The following SCHIP1 variants were observed in gnomAD, a reference collection of about 807,000 sequenced individuals.
The protein encoded by SCHIP1 is schwannomin-interacting protein 1.
SCHIP1 carries 8 observed loss-of-function variants against 29.7 expected under a neutral mutation model. The ratio of observed to expected loss-of-function variants is 0.27; its 90% CI spans 0.16 to 0.49. The LOEUF is 0.49. Among genes scored for constraint, SCHIP1 ranks in the 20% least tolerant of loss-of-function variants. SCHIP1 has a pLI of 0.99. For missense variants in SCHIP1, 193 were observed against 294.6 expected (o/e 0.66, Z 2.52); for synonymous variants, 76 against 94.9 (o/e 0.80, Z 1.16).
At chr3:159,701,413 T>A in the SCHIP1 span, among the ~76,000 whole-genome samples, 1 of 152,130 alleles carries the variant, frequency 6.6e-6, no homozygotes, top group African/African-American at 2.4e-5. Context: ...AACCATGAGT[T>A]TTTAGGTGTG....
the SCHIP1 span, among the ~76,000 whole-genome samples, chr3:159,420,839 T>A: frequency 1.3e-5 from 2 of 152,192 alleles, no homozygotes; most frequent in Admixed American, 6.5e-5. Context: ...CAGTGGGCAA[T>A]TGGTAACACC....
the SCHIP1 span, among the ~76,000 whole-genome samples, chr3:159,521,157 G>A: frequency 6.6e-6 from 1 of 152,146 alleles, no homozygotes; most frequent in South Asian, 2.1e-4. Context: ...CCATAATGCT[G>A]AGCTGAATCT....
the SCHIP1 span, among the ~76,000 whole-genome samples, chr3:159,426,508 C>A: frequency 6.6e-6 from 1 of 152,150 alleles, no homozygotes; most frequent in Non-Finnish European, 1.5e-5. Context: ...TCTGAATAGA[C>A]CAATAAGAGG....
the SCHIP1 span, among the ~76,000 whole-genome samples, chr3:159,461,652 T>C: frequency 6.6e-6 from 1 of 151,362 alleles, no homozygotes; most frequent in East Asian, 2.0e-4. Flanking sequence ...CTTGGCTCAC[T>C]GCAACCTCCG....
chr3:159,842,627 T>C (rs1374577166), intron 1 of SCHIP1, among the ~76,000 whole-genome samples: 1 of 152,118 alleles, frequency 6.6e-6, no homozygotes, highest in Non-Finnish European at 1.5e-5. Context: ...CCTACATTCC[T>C]GATTTCCTCC....
At chr3:159,839,970 G>A in exon 1 of SCHIP1, 1 of 1,423,632 alleles carries the variant, frequency 7.0e-7, no homozygotes, top group Non-Finnish European at 9.1e-7. Flanking sequence ...GGTTTCGGAG[G>A]GCTGGAGAGC....
the SCHIP1 span, among the ~76,000 whole-genome samples, chr3:159,510,753 G>C: frequency 6.6e-6 from 1 of 152,150 alleles, no homozygotes; most frequent in African/African-American, 2.4e-5. Flanking sequence ...TGTTTGCCTG[G>C]GTATCAGCAG....
At chr3:159,506,801 G>A in the SCHIP1 span, among the ~76,000 whole-genome samples, 13 of 152,146 alleles carry the variant, frequency 8.5e-5, no homozygotes, top group Admixed American at 7.9e-4. Context: ...ATTTCTGAGG[G>A]TTCTGTTCTG....
the SCHIP1 span, among the ~76,000 whole-genome samples, chr3:159,548,835 T>A: frequency 3.3e-4 from 51 of 152,306 alleles, no homozygotes; most frequent in African/African-American, 1.2e-3. Flanking sequence ...ATGGCTGCTT[T>A]GAAATTAGAT....
chr3:159,544,765 G>A, the SCHIP1 span, among the ~76,000 whole-genome samples: 2 of 152,022 alleles, frequency 1.3e-5, no homozygotes, highest in South Asian at 2.1e-4. Context: ...TTAGCTATAT[G>A]TATTGCAGAT....
the SCHIP1 span, among the ~76,000 whole-genome samples, chr3:159,688,898 A>G: frequency 4.6e-5 from 7 of 152,192 alleles, no homozygotes; most frequent in African/African-American, 1.7e-4. Flanking sequence ...GTCAAAGATC[A>G]GATAGTTGTA....
At chr3:159,715,254 A>C in the SCHIP1 span, among the ~76,000 whole-genome samples, 11 of 152,244 alleles carry the variant, frequency 7.2e-5, no homozygotes, top group Non-Finnish European at 1.2e-4. Context: ...CATCACCATC[A>C]TCAAAGACCA....
the SCHIP1 span, among the ~76,000 whole-genome samples, chr3:159,307,077 A>C: frequency 1.3e-5 from 2 of 152,344 alleles, no homozygotes; most frequent in Admixed American, 1.3e-4. Flanking sequence ...TGAGATATAC[A>C]TAAATATCCA....
the SCHIP1 span, among the ~76,000 whole-genome samples, chr3:159,675,856 G>A: frequency 2.0e-5 from 3 of 152,206 alleles, no homozygotes; most frequent in Non-Finnish European, 4.4e-5. Context: ...ATGAGGCCAG[G>A]CGTGGTGGCT....
chr3:159,419,303 T>A, the SCHIP1 span, among the ~76,000 whole-genome samples: 2 of 152,166 alleles, frequency 1.3e-5, no homozygotes, highest in African/African-American at 4.8e-5. Context: ...GTGCTGTGTG[T>A]GAAGCACCTA....
the SCHIP1 span, among the ~76,000 whole-genome samples, chr3:159,825,913 G>A: frequency 6.6e-6 from 1 of 152,196 alleles, no homozygotes; most frequent in East Asian, 1.9e-4. Context: ...GCTTGTGTGA[G>A]GGCCCTGAGA....
chr3:159,322,330 A>T, the SCHIP1 span, among the ~76,000 whole-genome samples: 51 of 152,302 alleles, frequency 3.3e-4, no homozygotes, highest in African/African-American at 1.2e-3. Flanking sequence ...CATAAAATCA[A>T]AATTATCAGG....
the SCHIP1 span, among the ~76,000 whole-genome samples, chr3:159,373,209 T>G: frequency 6.6e-6 from 1 of 151,684 alleles, no homozygotes; most frequent in Non-Finnish European, 1.5e-5. Flanking sequence ...CATACTTTTA[T>G]TATAAATTGA....
chr3:159,487,347 C>T, the SCHIP1 span, among the ~76,000 whole-genome samples: 2 of 152,090 alleles, frequency 1.3e-5, no homozygotes, highest in African/African-American at 4.8e-5. Context: ...ACTCCTGTAT[C>T]CCATGGTTTA....
Sources: gnomAD v4.1 joint callset for allele counts (sites outside exome capture counted in the v4.1 genomes callset) on GRCh38, gnomAD v4.1.1 for gene constraint, MANE v1.5 for transcripts, NCBI Gene and HGNC (gene_info 2026-07-23, HGNC 2026-07-21) for gene names.